CFAP100: variants seen among roughly 807,000 people sequenced by gnomAD.
CFAP100 encodes cilia and flagella associated protein 100, also known as cilia- and flagella-associated protein 100.
In CFAP100, 70 loss-of-function variants were observed where a neutral mutation model predicts 81.5. The observed-to-expected ratio is 0.86, with a 90% CI of 0.71 to 1.05. The LOEUF is 1.05. Ranked by LOEUF, CFAP100 falls within the 50% of genes least tolerant of loss-of-function variation. CFAP100 has a pLI of 0.00. For synonymous variants in CFAP100, 341 were observed against 314.8 expected, an observed-to-expected ratio of 1.08 and a Z score of -0.88; for missense variants, 811 against 776.5, an observed-to-expected ratio of 1.04 and a Z score of -0.53.
At chr3:126,414,037 G>T in intron 3 of CFAP100, 48 bp from the exon 4 acceptor site, 2 of 1,396,600 alleles carry the variant, frequency 1.4e-6, no homozygotes. Context: ...AGAGACCACC[G>T]CCTGGAAGAG....
intron 11 of CFAP100, among the ~76,000 whole-genome samples, chr3:126,422,525 A>C (rs954277179): frequency 2.0e-5 from 3 of 152,172 alleles, no homozygotes; most frequent in African/African-American, 7.2e-5. Flanking sequence ...TGCAGATCCT[A>C]GGTGAGGCCC....
chr3:126,423,108 G>A (rs758044642), intron 11 of CFAP100, among the ~76,000 whole-genome samples: 11 of 152,200 alleles, frequency 7.2e-5, no homozygotes, highest in Admixed American at 4.6e-4. Flanking sequence ...AAGTGGCTAC[G>A]GCCTTGGGAA....
chr3:126,426,172 G>T (rs2083401222), intron 13 of CFAP100, among the ~76,000 whole-genome samples: 1 of 152,196 alleles, frequency 6.6e-6, no homozygotes, highest in Non-Finnish European at 1.5e-5. Flanking sequence ...TCAACAAAAA[G>T]CTCCTGATGG....
chr3:126,427,350 A>T (rs1372245619), intron 13 of CFAP100, among the ~76,000 whole-genome samples: 1 of 152,208 alleles, frequency 6.6e-6, no homozygotes, highest in East Asian at 1.9e-4. Context: ...ATTGACCCAC[A>T]TAAGTACCGT....
chr3:126,405,643 A>G (rs947786335), intron 2 of CFAP100, among the ~76,000 whole-genome samples: 9 of 152,294 alleles, frequency 5.9e-5, no homozygotes, highest in African/African-American at 2.2e-4. Context: ...AGTCTGGACA[A>G]CAGAGCAAGA....
At chr3:126,414,213 G>T in intron 4 of CFAP100, 34 bp downstream of exon 4, 1 of 1,494,714 alleles carries the variant, frequency 6.7e-7, no homozygotes. Flanking sequence ...GCACCTCCGG[G>T]AGCTTCCCTG....
chr3:126,412,849 CA>C (rs1241428929), intron 3 of CFAP100, among the ~76,000 whole-genome samples: 2 of 152,182 alleles, frequency 1.3e-5, no homozygotes, highest in Admixed American at 1.3e-4. Context: ...CTCAGTTCCT[CA>C]CAGGTAAAAT....
At chr3:126,417,464 C>T (rs979069493) in intron 5 of CFAP100, among the ~76,000 whole-genome samples, 3 of 152,216 alleles carry the variant, frequency 2.0e-5, no homozygotes, top group African/African-American at 7.2e-5. Flanking sequence ...ACACAAGGGC[C>T]TCCAGCCTCC....
intron 2 of CFAP100, among the ~76,000 whole-genome samples, chr3:126,400,273 T>C (rs1431051207): frequency 1.3e-5 from 2 of 152,098 alleles, no homozygotes; most frequent in Non-Finnish European, 2.9e-5. Context: ...GGAGAAAAGA[T>C]ACTCAACATC....
At chr3:126,400,151 G>C (rs1015750221) in intron 2 of CFAP100, among the ~76,000 whole-genome samples, 1 of 152,066 alleles carries the variant, frequency 6.6e-6, no homozygotes, top group Non-Finnish European at 1.5e-5. Flanking sequence ...AATATAGAAA[G>C]AAATCCTAAC....
chr3:126,419,881 G>A (rs1179266813), intron 9 of CFAP100, 63 bp downstream of exon 9: 2 of 1,610,872 alleles, frequency 1.2e-6, no homozygotes, highest in Non-Finnish European at 1.7e-6. Context: ...GCGACCCTGA[G>A]CCCAGCTGGC....
chr3:126,395,826 G>A (rs1034002263), intron 1 of CFAP100, 116 bp from the exon 2 acceptor site: 17 of 603,936 alleles, frequency 2.8e-5, no homozygotes, highest in African/African-American at 1.1e-4. Context: ...GCAGGGAGCC[G>A]GCAGGTGTCC....
At position 126,396,025 on chromosome 3, in the gene CFAP100, G is replaced by T; in HGVS notation, c.25G>T (p.Val9Phe). 6.2e-7 allele frequency: 1 copy of T among 1,614,104 alleles called. No individual in the cohort carries two copies. Among genetic ancestry groups the T allele is most frequent in the South Asian group, 1.1e-5 (1 of 91,082 alleles). The change falls in exon 2 of 17, where the codon GTC becomes TTC. Residue 9 changes from valine to phenylalanine, a missense_variant. By Grantham distance (50) the Val-to-Phe change is conservative. Transcript: ENST00000352312. ...GATGTCTGAGATACCGTCCACTATAGTCTCCAAGAACATGACCAATGACAG... is the reference window on the plus strand; with the variant it reads ...GATGTCTGAGATACCGTCCACTATATTCTCCAAGAACATGACCAATGACAG... Reference protein sequence around the residue: MSEIPSTIVSKNMTNDKNS... With the variant: MSEIPSTIFSKNMTNDKNS...
chr3:126,423,702 C>T, intron 13 of CFAP100, 58 bp downstream of exon 13: 1 of 1,597,680 alleles, frequency 6.3e-7, no homozygotes, highest in Non-Finnish European at 8.6e-7. Context: ...TGGGATCCCC[C>T]TAGCACTGGG....
intron 13 of CFAP100, among the ~76,000 whole-genome samples, chr3:126,428,553 G>C (rs973084128): frequency 6.6e-6 from 1 of 152,202 alleles, no homozygotes; most frequent in Admixed American, 6.5e-5. Context: ...TTCACTGATT[G>C]TATCAAATGT....
chr3:126,395,463 C>T (rs1390890262), intron 1 of CFAP100: 2 of 152,722 alleles, frequency 1.3e-5, no homozygotes, highest in Non-Finnish European at 2.9e-5. Context: ...AGAAAAGACC[C>T]CCCTGTTCTC....
intron 15 of CFAP100, chr3:126,434,620 G>A (rs1453014700): frequency 1.9e-6 from 1 of 523,932 alleles, no homozygotes; most frequent in Admixed American, 3.5e-5. Context: ...GGAGGCTCAG[G>A]GAGGGACAGG....
At chr3:126,422,174 C>T (rs1472666171) in intron 11 of CFAP100, among the ~76,000 whole-genome samples, 2 of 152,238 alleles carry the variant, frequency 1.3e-5, no homozygotes, top group Non-Finnish European at 2.9e-5. Context: ...TGCCCACCAA[C>T]CGCCAGGTCA....
Position 126,416,490 on chromosome 3 carries a change from A to AAGCTCAC in CFAP100, c.401_407dup (p.Leu137AlafsTer12). On this transcript the variant is annotated frameshift_variant, in exon 5 of 17. Coordinates refer to ENST00000352312, the MANE Select transcript of CFAP100 (RefSeq NM_182628.3). LOFTEE classifies it high-confidence loss of function. ...CGCCTTCCGCGACTACACGACCTGG[A>AAGCTCAC]AGCTCACCTTGACCAAAGGTGCGTC... The AAGCTCAC allele has an allele frequency of 6.3e-7, 1 of 1,598,652 alleles. No individual in the cohort carries two copies.
Sources: gnomAD v4.1 joint callset for allele counts (sites outside exome capture counted in the v4.1 genomes callset) on GRCh38, gnomAD v4.1.1 for gene constraint, MANE v1.5 for transcripts, NCBI Gene and HGNC (gene_info 2026-07-23, HGNC 2026-07-21) for gene names.